PELI2: variants seen among roughly 807,000 people sequenced by gnomAD.
PELI2 encodes E3 ubiquitin-protein ligase pellino homolog 2.
Under a neutral mutation model 42.3 loss-of-function variants are expected in PELI2, and 23 were observed. The ratio of observed to expected loss-of-function variants is 0.54; its 90% CI spans 0.39 to 0.77. PELI2 has a LOEUF of 0.77. Ranked by LOEUF, PELI2 falls within the 30% of genes least tolerant of loss-of-function variation. The pLI is 0.00. For synonymous variants in PELI2, 245 were observed against 212.2 expected (o/e 1.15, Z -1.34); for missense variants, 463 against 553.2 (o/e 0.84, Z 1.64).
intron 1 of PELI2, among the ~76,000 whole-genome samples, chr14:56,130,381 C>T (rs1883440814): frequency 6.6e-6 from 1 of 152,092 alleles, no homozygotes; most frequent in South Asian, 2.1e-4. Flanking sequence ...GTCTTTCTGA[C>T]TCCAAGTTGT....
At chr14:56,120,404 T>C (rs1883018417) in intron 1 of PELI2, among the ~76,000 whole-genome samples, 2 of 152,154 alleles carry the variant, frequency 1.3e-5, no homozygotes, top group African/African-American at 4.8e-5. Flanking sequence ...CTGGAGAGGT[T>C]TTGTGTTCAT....
chr14:56,300,206 A>G lies in PELI2; in HGVS notation c.*3040A>G, dbSNP rs768709134. The G allele has an allele frequency of 1.3e-5, 2 of 152,664 alleles. No individual in the cohort carries two copies. Among genetic ancestry groups the G allele is most frequent in the Non-Finnish European group, 2.9e-5 (2 of 68,048 alleles). 9.5% of individuals were successfully genotyped at this position (152,664 alleles called of 1,614,324 possible). ...CTTTGTGCCTCAGGGAAGCCACGTG[A>G]TATAACTGGTTATAGAATTTCAGGG... On this transcript the variant is annotated 3_prime_UTR_variant, in exon 6 of 6. Coordinates refer to ENST00000267460, the MANE Select transcript of PELI2 (RefSeq NM_021255.3).
intron 1 of PELI2, among the ~76,000 whole-genome samples, chr14:56,127,814 G>A (rs1043976442): frequency 2.0e-5 from 3 of 152,024 alleles, no homozygotes; most frequent in Non-Finnish European, 4.4e-5. Flanking sequence ...CTAATGAGAG[G>A]GACTAAAAGA....
chr14:56,207,966 G>A (rs1886579053), intron 2 of PELI2, among the ~76,000 whole-genome samples: 1 of 152,212 alleles, frequency 6.6e-6, no homozygotes, highest in African/African-American at 2.4e-5. Flanking sequence ...GACTCAGAAG[G>A]CAAACATAAA....
chr14:56,205,179 T>G (rs1886473461), intron 2 of PELI2, among the ~76,000 whole-genome samples: 1 of 152,066 alleles, frequency 6.6e-6, no homozygotes, highest in Non-Finnish European at 1.5e-5. Context: ...GCTCTTTGAC[T>G]AGAACATGGA....
At chr14:56,230,474 G>C (rs12892065) in intron 2 of PELI2, among the ~76,000 whole-genome samples, 60,869 of 152,008 alleles carry the variant, frequency 0.4, 12,993 homozygotes, top group South Asian at 0.53. Context: ...GAGTTTTCAT[G>C]CCAGAATTTC....
chr14:56,297,111 A>G lies in PELI2; in HGVS notation c.1208A>G (p.Gln403Arg). 2.5e-6 allele frequency: 4 copies of G among 1,606,834 alleles called. No individual in the cohort carries two copies. Among genetic ancestry groups the G allele is most frequent in the Non-Finnish European group, 2.5e-6 (3 of 1,179,922 alleles). Residue 403 changes from glutamine to arginine, a missense_variant, in exon 6 of 6, where the codon CAG becomes CGG. Transcript: ENST00000267460. ...FHAACPFCAT[Q>R]LVGEQNCIKL... Reference sequence around the variant, plus strand: ...GCTGCTTGCCCTTTCTGTGCTACACAGCTGGTTGGGGAGCAAAACTGCATC... The same window carrying G: ...GCTGCTTGCCCTTTCTGTGCTACACGGCTGGTTGGGGAGCAAAACTGCATC...
intron 1 of PELI2, among the ~76,000 whole-genome samples, chr14:56,169,005 T>C (rs1885069572): frequency 6.6e-6 from 1 of 152,092 alleles, no homozygotes. Context: ...ACCTCATGAC[T>C]CTGACTGGTG....
chr14:56,165,118 G>A (rs1226622493), intron 1 of PELI2, among the ~76,000 whole-genome samples: 1 of 151,848 alleles, frequency 6.6e-6, no homozygotes, highest in Non-Finnish European at 1.5e-5. Context: ...TGCATCATTA[G>A]ATTGTTCATT....
intron 2 of PELI2, among the ~76,000 whole-genome samples, chr14:56,238,797 C>CA (rs1328080628): frequency 1.3e-5 from 2 of 152,158 alleles, no homozygotes; most frequent in African/African-American, 4.8e-5. Context: ...ACATATTTGA[C>CA]AGAGATGTTT....
rs1418577593 is a variant in PELI2 at position 56,211,433 on chromosome 14, A to G, written c.207+32969A>G. 4.6e-5 allele frequency among the ~76,000 whole-genome samples: 7 copies of G among 152,132 alleles called. No homozygotes were observed. The East Asian group carries it at 1.3e-3, about 29-fold the overall frequency. ...CTCCCACTCCCCTCCCCCATCATGT[A>G]CTAGCTGAGTCAATGCTCACAGGGT... On this transcript the variant is annotated intron_variant, in intron 2 of 5. Coordinates refer to ENST00000267460, the MANE Select transcript of PELI2 (RefSeq NM_021255.3).
chr14:56,128,014 G>A (rs987894723), intron 1 of PELI2, among the ~76,000 whole-genome samples: 2 of 151,986 alleles, frequency 1.3e-5, no homozygotes, highest in African/African-American at 4.8e-5. Flanking sequence ...GTTCTGCATG[G>A]GTATATTAAA....
In PELI2 at chr14:56,297,062, C is replaced by A. The variant is rs142593034; in HGVS notation, c.1159C>A (p.Pro387Thr). The change falls in exon 6 of 6, where the codon CCT becomes ACT. Residue 387 changes from proline to threonine, a missense_variant. Physicochemically the swap from Pro to Thr is conservative, Grantham distance 38 (BLOSUM62 -1). Transcript: ENST00000267460. ...SAKYWSQIPL[P>T]HGTHAFHAAC... ...AAAATACTGGTCTCAGATCCCGTTG[C>A]CTCATGGAACTCATGCATTTCACGC... 2 of 1,613,004 alleles carry A rather than the reference C, an allele frequency of 1.2e-6. No individual in the cohort carries two copies. The highest frequency in any genetic ancestry group is 2.7e-5 in the African/African-American group (2 of 74,920).
chr14:56,284,063 C>T (rs540454569), intron 3 of PELI2, among the ~76,000 whole-genome samples: 1 of 152,156 alleles, frequency 6.6e-6, no homozygotes, highest in African/African-American at 2.4e-5. Context: ...AAAATGATTT[C>T]TAGGGTTAAT....
chr14:56,196,292 C>A (rs1404242602), intron 2 of PELI2, among the ~76,000 whole-genome samples: 2 of 152,160 alleles, frequency 1.3e-5, no homozygotes, highest in Non-Finnish European at 2.9e-5. Flanking sequence ...ATTGTGAACC[C>A]TGAAACTAGT....
At chr14:56,141,320 C>A (rs542806900) in intron 1 of PELI2, among the ~76,000 whole-genome samples, 3 of 152,276 alleles carry the variant, frequency 2.0e-5, no homozygotes, top group South Asian at 2.1e-4. Flanking sequence ...TGTATGTGCG[C>A]CCCTGTGCCC....
chr14:56,172,595 A>T lies in PELI2; in HGVS notation c.78-5740A>T, dbSNP rs1207669180. 3.9e-5 allele frequency among the ~76,000 whole-genome samples: 6 copies of T among 152,264 alleles called. No homozygotes were observed. In the East Asian group the frequency reaches 1.2e-3, roughly 29 times the overall value. ...TGCCGGCTGTATGATGAATGATCAAATGTACTTTTGGATCTGGGGGCAAAG... is the reference window on the plus strand; with the variant it reads ...TGCCGGCTGTATGATGAATGATCAATTGTACTTTTGGATCTGGGGGCAAAG... On this transcript the variant is annotated intron_variant, in intron 1 of 5. Coordinates refer to ENST00000267460, the MANE Select transcript of PELI2 (RefSeq NM_021255.3).
Position 56,273,961 on chromosome 14 carries a change from C to T in PELI2, c.208-5715C>T, listed in dbSNP as rs1889196243. On this transcript the variant is annotated intron_variant, in intron 2 of 5. Coordinates refer to ENST00000267460, the MANE Select transcript of PELI2 (RefSeq NM_021255.3). The surrounding 1 kb of genome is among the most constrained non-coding windows in gnomAD (Gnocchi z 4.3). ...CTTCTGTGAGAGTCTTTTGACCTTC[C>T]TCTCACGTTGCAAGGTGGTCTACTT... Among the ~76,000 whole-genome samples, 1 of 152,150 alleles carries T rather than the reference C, an allele frequency of 6.6e-6. No homozygotes were observed. The highest frequency in any genetic ancestry group is 6.6e-5 in the Admixed American group (1 of 15,266).
chr14:56,183,921 A>G lies in PELI2; in HGVS notation c.207+5457A>G, dbSNP rs1419120404. On this transcript the variant is annotated intron_variant, in intron 2 of 5. Coordinates refer to ENST00000267460, the MANE Select transcript of PELI2 (RefSeq NM_021255.3). ...AGTTGTCTTAGCTGAAATTCTAGAA[A>G]AACTTCTAGGTGTTTTCATTTGATG... Among the ~76,000 whole-genome samples the G allele has an allele frequency of 2.0e-5, 3 of 152,162 alleles. No homozygotes were observed. The South Asian group carries it at 6.2e-4, about 32-fold the overall frequency.
Sources: gnomAD v4.1 joint callset for allele counts (sites outside exome capture counted in the v4.1 genomes callset) on GRCh38, gnomAD v4.1.1 for gene constraint, Gnocchi (gnomAD v3.1) non-coding constraint, MANE v1.5 for transcripts, NCBI Gene and HGNC (gene_info 2026-07-23, HGNC 2026-07-21) for gene names.